Variants in IL1RAPL2 observed in about 807,000 individuals in gnomAD.
IL1RAPL2 encodes X-linked interleukin-1 receptor accessory protein-like 2.
Under a neutral mutation model 44.1 loss-of-function variants are expected in IL1RAPL2, and 3 were observed. That is an observed-to-expected ratio of 0.07 (90% CI 0.03 to 0.18). The LOEUF (loss-of-function observed/expected upper bound fraction) is 0.18, where lower values mean the gene tolerates loss of function less well. IL1RAPL2 is among the 10% of genes least tolerant of loss of function. The pLI is 1.00. For synonymous variants in IL1RAPL2, 181 were observed against 178.8 expected (o/e 1.01, Z -0.10); for missense variants, 391 against 496.4 (o/e 0.79, Z 2.02).
intron 2 of IL1RAPL2, among the ~76,000 whole-genome samples, chrX:105,029,102 T>C (rs1453483441): frequency 9.1e-6 from 1 of 109,831 alleles, no homozygotes; most frequent in Non-Finnish European, 1.9e-5. Context: ...TCAACGTCTT[T>C]GTTCAAGCCC....
intron 2 of IL1RAPL2, among the ~76,000 whole-genome samples, chrX:104,955,525 CATATATATATTATACTCAT>C (rs1412866083): frequency 2.8e-5 from 3 of 106,167 alleles, no homozygotes; most frequent in African/African-American, 1.0e-4. Context: ...ATTATACTCC[CATATATATATTATACTCAT>C]ATATATATAT....
chrX:105,083,088 C>G (rs893556032), intron 2 of IL1RAPL2, among the ~76,000 whole-genome samples: 2 of 110,681 alleles, frequency 1.8e-5, no homozygotes, highest in Non-Finnish European at 3.8e-5. Flanking sequence ...CTACAATAAC[C>G]AGGTTAAAGA....
At chrX:105,353,289 T>C (rs1007565442) in intron 5 of IL1RAPL2, among the ~76,000 whole-genome samples, 2 of 111,443 alleles carry the variant, frequency 1.8e-5, no homozygotes, top group African/African-American at 6.5e-5. Flanking sequence ...CATTGGTCTA[T>C]ATATCTGTTT....
intron 4 of IL1RAPL2, among the ~76,000 whole-genome samples, chrX:105,266,319 G>A (rs1488041631): frequency 9.0e-6 from 1 of 111,152 alleles, no homozygotes; most frequent in Non-Finnish European, 1.9e-5. Flanking sequence ...TGGGATTACA[G>A]GCGTGAGCCA....
chrX:105,298,604 A>G (rs1238177648), intron 5 of IL1RAPL2, among the ~76,000 whole-genome samples: 2 of 110,520 alleles, frequency 1.8e-5, no homozygotes, highest in Non-Finnish European at 3.8e-5. Context: ...ATATATGAAT[A>G]TGGAGTTTGG....
At chrX:104,750,487 G>A (rs1467851434) in intron 2 of IL1RAPL2, among the ~76,000 whole-genome samples, 1 of 110,590 alleles carries the variant, frequency 9.0e-6, no homozygotes. Flanking sequence ...TCAGGAGATT[G>A]CCAAAGACTG....
chrX:104,997,540 T>C (rs2030770477), intron 2 of IL1RAPL2, among the ~76,000 whole-genome samples: 1 of 111,725 alleles, frequency 9.0e-6, no homozygotes, highest in African/African-American at 3.2e-5. Context: ...GAGAAAGGAT[T>C]GGAAGAGGCA....
intron 2 of IL1RAPL2, among the ~76,000 whole-genome samples, chrX:104,737,384 T>C (rs1240754232): frequency 8.9e-6 from 1 of 112,387 alleles, no homozygotes; most frequent in Middle Eastern, 4.2e-3. Flanking sequence ...TAAGAAGTTA[T>C]TCATGCGTAT....
chrX:105,762,976 C>T (rs768995052), intron 10 of IL1RAPL2, among the ~76,000 whole-genome samples: 1 of 110,984 alleles, frequency 9.0e-6, no homozygotes, highest in South Asian at 3.8e-4. Flanking sequence ...AACCACAACC[C>T]TATGAGGGCA....
chrX:105,157,901 G>A (rs993003325), intron 2 of IL1RAPL2, among the ~76,000 whole-genome samples: 1 of 112,077 alleles, frequency 8.9e-6, no homozygotes, highest in African/African-American at 3.3e-5. Flanking sequence ...TTTATCTTTA[G>A]AATGTATGAG....
At chrX:104,902,915 A>C (rs187193618) in intron 2 of IL1RAPL2, among the ~76,000 whole-genome samples, 37 of 112,005 alleles carry the variant, frequency 3.3e-4, no homozygotes, top group Non-Finnish European at 6.0e-4. Flanking sequence ...CTGATGATAA[A>C]GGATATATAC....
chrX:105,205,644 T>A (rs2033757305), intron 3 of IL1RAPL2, among the ~76,000 whole-genome samples: 2 of 81,524 alleles, frequency 2.5e-5, no homozygotes, highest in Admixed American at 1.7e-4. Flanking sequence ...GAAGGGCAGT[T>A]TGGTTGGAGT....
At chrX:105,166,300 A>G (rs988076947) in intron 2 of IL1RAPL2, among the ~76,000 whole-genome samples, 3 of 111,417 alleles carry the variant, frequency 2.7e-5, no homozygotes, top group African/African-American at 9.8e-5. Flanking sequence ...TGCCTGACGT[A>G]TAGGTGCTCG....
At chrX:105,008,218 A>G (rs1456703246) in intron 2 of IL1RAPL2, among the ~76,000 whole-genome samples, 1 of 110,530 alleles carries the variant, frequency 9.0e-6, no homozygotes, top group Non-Finnish European at 1.9e-5. Flanking sequence ...AGGGAGCCAA[A>G]CTTCTGTGCT....
chrX:104,787,355 A>T (rs1036952772), intron 2 of IL1RAPL2, among the ~76,000 whole-genome samples: 7 of 111,629 alleles, frequency 6.3e-5, no homozygotes, highest in Non-Finnish European at 1.3e-4. Context: ...ATGTGTTTAC[A>T]TTTCTGGCTC....
chrX:105,006,324 A>T (rs764048787), intron 2 of IL1RAPL2, among the ~76,000 whole-genome samples: 1 of 110,306 alleles, frequency 9.1e-6, no homozygotes, highest in Admixed American at 9.8e-5. Flanking sequence ...GGTTTTATGT[A>T]GACATTTATG....
intron 2 of IL1RAPL2, among the ~76,000 whole-genome samples, chrX:104,701,068 A>G (rs1268874398): frequency 9.0e-6 from 1 of 111,397 alleles, no homozygotes; most frequent in East Asian, 2.8e-4. Context: ...GGACTGAGTA[A>G]AAACTCAAAC....
Position 104,850,217 on chromosome X carries a change from A to T in IL1RAPL2, c.82+191222A>T, listed in dbSNP as rs778599628. On this transcript the variant is annotated intron_variant, in intron 2 of 10. Transcript: ENST00000372582. ...AATGTGGTAGTTGGATTTTTTTTTT[A>T]AAAAAACCTCTTTTTATTTTTATTT... Among the ~76,000 whole-genome samples, 207 of 110,545 alleles carry T rather than the reference A, an allele frequency of 1.9e-3. 2 individuals are homozygous for T. The highest frequency in any genetic ancestry group is 3.0e-3 in the Admixed American group (31 of 10,370).
intron 2 of IL1RAPL2, among the ~76,000 whole-genome samples, chrX:105,029,844 T>G (rs2031451496): frequency 9.0e-6 from 1 of 111,593 alleles, no homozygotes. Context: ...TCCACAATGG[T>G]TGAACTAGTT....
Sources: gnomAD v4.1 joint callset for allele counts (sites outside exome capture counted in the v4.1 genomes callset) on GRCh38, gnomAD v4.1.1 for gene constraint, MANE v1.5 for transcripts, NCBI Gene and HGNC (gene_info 2026-07-23, HGNC 2026-07-21) for gene names.